Variants in TNFRSF17 observed in about 807,000 individuals in gnomAD.
TNFRSF17 encodes TNF receptor superfamily member 17.
Under a neutral mutation model 9.9 loss-of-function variants are expected in TNFRSF17, and 13 were observed. The ratio of observed to expected loss-of-function variants is 1.31; its 90% CI spans 0.85 to 2.08. TNFRSF17 has a LOEUF of 2.08. Ranked by LOEUF, TNFRSF17 falls within the 30% of genes most tolerant of loss-of-function variation. The pLI is 0.00. For synonymous variants in TNFRSF17, 99 were observed against 83.7 expected, an observed-to-expected ratio of 1.18 and a Z score of -1.00; for missense variants, 305 against 225.8, an observed-to-expected ratio of 1.35 and a Z score of -2.25.
chr16:11,965,755 C>A (rs1336891541), intron 1 of TNFRSF17, among the ~76,000 whole-genome samples: 1 of 152,126 alleles, frequency 6.6e-6, no homozygotes, highest in Non-Finnish European at 1.5e-5. Context: ...TGGAAATAAT[C>A]CATACTTGAT....
chr16:11,966,563 T>C (rs899072354), intron 2 of TNFRSF17, among the ~76,000 whole-genome samples: 1 of 152,226 alleles, frequency 6.6e-6, no homozygotes, highest in Non-Finnish European at 1.5e-5. Flanking sequence ...TCCAGGATTC[T>C]TCCACTGTTA....
At chr16:11,966,499 C>A (rs1038830424) in intron 2 of TNFRSF17, among the ~76,000 whole-genome samples, 158 bp downstream of exon 2, 1 of 152,130 alleles carries the variant, frequency 6.6e-6, no homozygotes, top group African/African-American at 2.4e-5. Flanking sequence ...TAGAGGTGAG[C>A]CATCTTCATT....
chr16:11,967,548 G>A, intron 2 of TNFRSF17, 22 bp from the exon 3 acceptor site: 1 of 1,601,580 alleles, frequency 6.2e-7, no homozygotes, highest in Admixed American at 1.7e-5. Context: ...TTGGGTTAAT[G>A]TTTCCGTTTC....
chr16:11,967,176 CT>C, intron 2 of TNFRSF17: 3 of 194,700 alleles, frequency 1.5e-5, no homozygotes, highest in Non-Finnish European at 2.2e-5. Context: ...AATTTTTGTA[CT>C]TTTTGGTAGA....
chr16:11,965,534 T>A (rs1325420852), intron 1 of TNFRSF17, 80 bp downstream of exon 1: 74 of 1,423,738 alleles, frequency 5.2e-5, no homozygotes, highest in Non-Finnish European at 6.9e-5. Flanking sequence ...AGAATCAACA[T>A]AATGGGCATG....
At position 11,967,532 on chromosome 16, in the gene TNFRSF17, T is replaced by A. The variant is rs770925511; in HGVS notation, c.278-38T>A. The stretch of plus-strand genomic sequence containing the variant: ...AAGACTCTCATGACCACATTCTCTG[T>A]GAAGTTTGGGTTAATGTTTCCGTTT... On this transcript the variant is annotated intron_variant, in intron 2 of 2. Transcript: ENST00000053243. The A allele has an allele frequency of 1.9e-6, 3 of 1,588,792 alleles. No homozygotes were observed. In the East Asian group the frequency reaches 6.7e-5, roughly 36 times the overall value.
At position 11,968,052 on chromosome 16, in the gene TNFRSF17, ACT is replaced by A. The variant is rs1304771490; in HGVS notation, c.*208_*209del. 3.8e-6 allele frequency: 2 copies of A among 520,754 alleles called. No homozygotes were observed. The highest frequency in any genetic ancestry group is 6.3e-6 in the Non-Finnish European group (2 of 318,138). 32.3% of individuals were successfully genotyped at this position (520,754 alleles called of 1,614,324 possible). A position where few individuals can be genotyped will look rare whatever the true frequency, so the allele number is the denominator to read the frequency against. On this transcript the variant is annotated 3_prime_UTR_variant, in exon 3 of 3. Transcript: ENST00000053243. ...GAAACTTCCTTGGTTTCATGATTAA[ACT>A]CTTTTTTTTCCTGACATCTAAGTTT...
rs1202905041 is a variant in TNFRSF17 at position 11,967,682 on chromosome 16, C to T, written c.390C>T (p.Asp130=). 6.2e-7 allele frequency: 1 copy of T among 1,614,192 alleles called. No individual in the cohort carries two copies. The highest frequency in any genetic ancestry group is 1.1e-5 in the South Asian group (1 of 91,090). The part of the protein sequence containing the change: ...EYTVEECTCE[D]CIKSKPKVDS... ...CGGTGGAAGAATGCACCTGTGAAGA[C>T]TGCATCAAGAGCAAACCGAAGGTCG... The change falls in exon 3 of 3, where the codon GAC becomes GAT. Residue 130 remains aspartate, a synonymous_variant. Coordinates refer to ENST00000053243, the MANE Select transcript of TNFRSF17 (RefSeq NM_001192.3).
intron 2 of TNFRSF17, among the ~76,000 whole-genome samples, chr16:11,966,715 A>G (rs926957953): frequency 1.3e-5 from 2 of 152,192 alleles, no homozygotes; most frequent in African/African-American, 2.4e-5. Context: ...GTCAAGATCT[A>G]TGGTCATGTT....
At chr16:11,967,516 A>G in intron 2 of TNFRSF17, 54 bp from the exon 3 acceptor site, 1 of 1,564,746 alleles carries the variant, frequency 6.4e-7, no homozygotes, top group Non-Finnish European at 8.7e-7. Context: ...TAAGACTCTC[A>G]TGACCACATT....
rs376573585 is a variant in TNFRSF17, at chr16:11,967,564, A to C, written c.278-6A>C. ...TGGGTTAATGTTTCCGTTTCTACAT[A>C]ATTAGGATCAGGTCTCCTGGGCATG... On this transcript the variant is annotated splice_region_variant and splice_polypyrimidine_tract_variant and intron_variant, in intron 2 of 2. Transcript: ENST00000053243. 70 of 1,607,448 alleles carry C rather than the reference A, an allele frequency of 4.4e-5. 2 individuals carry two copies. In the South Asian group the frequency reaches 7.3e-4, roughly 17 times the overall value.
At chr16:11,966,105 T>C (rs541886818) in intron 1 of TNFRSF17, 90 bp from the exon 2 acceptor site, 7 of 1,363,604 alleles carry the variant, frequency 5.1e-6, no homozygotes, top group Admixed American at 2.3e-5. Context: ...AGCAAGACTT[T>C]GTCTCAAAAT....
In TNFRSF17 at chr16:11,967,921, G is replaced by C. The variant is rs1374258274; in HGVS notation, c.*74G>C. Reference sequence around the variant, plus strand: ...ATAGATGATGTGTCAGATCTCTTTAGGATGACTGTATTTTTCAGTTGCCGA... The same window carrying C: ...ATAGATGATGTGTCAGATCTCTTTACGATGACTGTATTTTTCAGTTGCCGA... On this transcript the variant is annotated 3_prime_UTR_variant, in exon 3 of 3. Coordinates refer to ENST00000053243, the MANE Select transcript of TNFRSF17 (RefSeq NM_001192.3). 1 of 1,515,416 alleles carries C rather than the reference G, an allele frequency of 6.6e-7. No homozygotes were observed. The highest frequency in any genetic ancestry group is 1.4e-5 in the African/African-American group (1 of 72,080). 93.9% of individuals were successfully genotyped at this position (1,515,416 alleles called of 1,614,324 possible). A position where few individuals can be genotyped will look rare whatever the true frequency, so the allele number is the denominator to read the frequency against.
chr16:11,966,794 A>G (rs2055197662), intron 2 of TNFRSF17, among the ~76,000 whole-genome samples: 1 of 152,112 alleles, frequency 6.6e-6, no homozygotes, highest in African/African-American at 2.4e-5. Flanking sequence ...GAAATGAATA[A>G]CCAGTTGCTC....
At chr16:11,966,371 A>G (rs750163609) in intron 2 of TNFRSF17, 30 bp downstream of exon 2, 62 of 1,598,132 alleles carry the variant, frequency 3.9e-5, no homozygotes, top group Non-Finnish European at 4.7e-5. Context: ...TTTGAAATCT[A>G]TTTCCAGGGG....
chr16:11,966,252 G>C lies in TNFRSF17; in HGVS notation c.188G>C (p.Ser63Thr). Reference sequence around the variant, plus strand: ...ATTCTCTGGACCTGTTTGGGACTGAGCTTAATAATTTCTTTGGCAGTTTTC... The same window carrying C: ...ATTCTCTGGACCTGTTTGGGACTGACCTTAATAATTTCTTTGGCAGTTTTC... ...NAILWTCLGL[S>T]LIISLAVFVL... The change falls in exon 2 of 3, where the codon AGC becomes ACC. Residue 63 changes from serine to threonine, a missense_variant. Ser to Thr is a moderately conservative substitution (Grantham distance 58). Transcript: ENST00000053243. 6.2e-7 allele frequency: 1 copy of C among 1,614,072 alleles called. No individual in the cohort carries two copies. Among genetic ancestry groups the C allele is most frequent in the South Asian group, 1.1e-5 (1 of 91,074 alleles).
Position 11,966,205 on chromosome 16 carries a change from T to G in TNFRSF17, c.141T>G (p.Asn47Lys), listed in dbSNP as rs780592053. ...CQRYCNASVT[N>K]SVKGTNAILW... ...GTTCTTTTCATAAAGGTGTGACCAA[T>G]TCAGTGAAAGGAACGAATGCGATTC... Residue 47 changes from asparagine to lysine, a missense_variant, in exon 2 of 3, where the codon AAT (asparagine) becomes AAG (lysine). Physicochemically the swap from Asn to Lys is moderately conservative, Grantham distance 94 (BLOSUM62 0). Coordinates refer to ENST00000053243, the MANE Select transcript of TNFRSF17 (RefSeq NM_001192.3). The G allele has an allele frequency of 2.5e-6, 4 of 1,613,148 alleles. No homozygotes were observed. The South Asian group carries it at 4.4e-5, about 18-fold the overall frequency.
chr16:11,968,013 G>T lies in TNFRSF17; in HGVS notation c.*166G>T, dbSNP rs2055209775. 2.7e-6 allele frequency: 2 copies of T among 738,980 alleles called. No individual in the cohort carries two copies. The highest frequency in any genetic ancestry group is 3.6e-5 in the African/African-American group (2 of 56,146). 45.8% of individuals were successfully genotyped at this position (738,980 alleles called of 1,614,324 possible). On this transcript the variant is annotated 3_prime_UTR_variant, in exon 3 of 3. Coordinates refer to ENST00000053243, the MANE Select transcript of TNFRSF17 (RefSeq NM_001192.3). The stretch of plus-strand genomic sequence containing the variant: ...GATATATTTCTCTAGGTTACTGTTG[G>T]GAGCTTAATGGTAGAAACTTCCTTG...
chr16:11,966,125 A>T (rs1011334034), intron 1 of TNFRSF17, 70 bp from the exon 2 acceptor site: 2 of 1,433,224 alleles, frequency 1.4e-6, no homozygotes, highest in African/African-American at 1.5e-5. Context: ...TAAATAAATA[A>T]ATAATAACAA....
Sources: allele counts gnomAD v4.1 joint callset (sites outside exome capture counted in the v4.1 genomes callset), GRCh38; gene constraint gnomAD v4.1.1; transcripts MANE v1.5; gene names NCBI Gene and HGNC (gene_info 2026-07-23, HGNC 2026-07-21).